Variants in SVOPL observed in about 807,000 individuals in gnomAD.
The protein encoded by SVOPL is putative transporter SVOPL.
A neutral mutation model predicts 61.0 loss-of-function variants in SVOPL; 60 were observed. That is an observed-to-expected ratio of 0.98 (90% confidence interval 0.80 to 1.22). The LOEUF (loss-of-function observed/expected upper bound fraction) is 1.22, where lower values mean the gene tolerates loss of function less well. Ranked by LOEUF, SVOPL falls within the 50% of genes most tolerant of loss-of-function variation. The pLI is 0.00. For synonymous variants in SVOPL, 279 were observed against 250.0 expected (o/e 1.12, Z -1.09); for missense variants, 662 against 643.9 (o/e 1.03, Z -0.30).
intron 7 of SVOPL, among the ~76,000 whole-genome samples, chr7:138,650,400 G>A (rs1033896700): frequency 4.6e-5 from 7 of 151,952 alleles, no homozygotes; most frequent in Non-Finnish European, 8.8e-5. Context: ...GAGGCTTAAG[G>A]GGAAGAAGAG....
At chr7:138,621,409 C>T (rs1223774107) in intron 13 of SVOPL, among the ~76,000 whole-genome samples, 1 of 152,140 alleles carries the variant, frequency 6.6e-6, no homozygotes, top group Non-Finnish European at 1.5e-5. Flanking sequence ...TTTAGAAAGA[C>T]AAGCTCTGGA....
intron 6 of SVOPL, among the ~76,000 whole-genome samples, chr7:138,657,130 ATTTG>A (rs201878592): frequency 1.3e-4 from 17 of 135,304 alleles, no homozygotes; most frequent in Non-Finnish European, 2.2e-4. Flanking sequence ...CCCTTTTCTT[ATTTG>A]TTTATTTATT....
rs373117922 is a variant in SVOPL at position 138,628,194 on chromosome 7, G to A, written c.1033C>T (p.Arg345Trp). The change falls in exon 11 of 16, where the codon CGG becomes TGG. Residue 345 changes from arginine to tryptophan, a missense_variant. Physicochemically the swap from Arg to Trp is moderately radical, Grantham distance 101. Coordinates refer to ENST00000674285, the MANE Select transcript of SVOPL (RefSeq NM_001139456.2). ...CCGATGGTGCTGATGATCATGGTCC[G>A]ATAGTCAGAGGGTGCAAACATGTGG... ...YCHMFAPSDY[R>W]TMIISTIGEI... The A allele has an allele frequency of 8.7e-6, 14 of 1,614,062 alleles. No homozygotes were observed. The highest frequency in any genetic ancestry group is 1.6e-4 in the Middle Eastern group (1 of 6,084).
chr7:138,673,445 C>T (rs2117112547), intron 3 of SVOPL, among the ~76,000 whole-genome samples: 1 of 152,016 alleles, frequency 6.6e-6, no homozygotes, highest in East Asian at 1.9e-4. Flanking sequence ...TCACTTGAGG[C>T]CAGGAGTTCG....
At chr7:138,671,903 T>C in intron 4 of SVOPL, 116 bp downstream of exon 4, 1 of 882,982 alleles carries the variant, frequency 1.1e-6, no homozygotes, top group Non-Finnish European at 1.8e-6. Context: ...CCTTGAGTTT[T>C]GGAAGCCAAC....
At chr7:138,622,658 C>T (rs994689812) in intron 13 of SVOPL, among the ~76,000 whole-genome samples, 13 of 151,730 alleles carry the variant, frequency 8.6e-5, no homozygotes, top group African/African-American at 2.9e-4. Flanking sequence ...AACAAGACCT[C>T]GCTATGTTGC....
At chr7:138,675,004 C>A (rs1443589624) in intron 3 of SVOPL, among the ~76,000 whole-genome samples, 2 of 152,138 alleles carry the variant, frequency 1.3e-5, no homozygotes, top group African/African-American at 4.8e-5. Flanking sequence ...AATTTGGAGC[C>A]TATGAGACCT....
intron 7 of SVOPL, among the ~76,000 whole-genome samples, chr7:138,655,383 T>C (rs1046226286): frequency 2.0e-5 from 3 of 152,086 alleles, no homozygotes; most frequent in African/African-American, 7.2e-5. Context: ...TGCACGTCTG[T>C]AATTCCAGCT....
At chr7:138,692,171 C>G (rs982161019) in intron 1 of SVOPL, among the ~76,000 whole-genome samples, 2 of 152,046 alleles carry the variant, frequency 1.3e-5, no homozygotes, top group Non-Finnish European at 2.9e-5. Flanking sequence ...AGTGAAACTC[C>G]ATCTCAAAAA....
chr7:138,684,838 G>A (rs1385323015), intron 1 of SVOPL, among the ~76,000 whole-genome samples: 1 of 152,070 alleles, frequency 6.6e-6, no homozygotes, highest in Non-Finnish European at 1.5e-5. Context: ...CATTATTCAT[G>A]ATAGCCAAAA....
At chr7:138,620,463 A>AG (rs1799514301) in intron 14 of SVOPL, among the ~76,000 whole-genome samples, 1 of 149,816 alleles carries the variant, frequency 6.7e-6, no homozygotes, top group East Asian at 1.9e-4. Flanking sequence ...AAAAAAAAAA[A>AG]GACTGACAAG....
intron 1 of SVOPL, among the ~76,000 whole-genome samples, chr7:138,694,439 T>C (rs1189414693): frequency 2.0e-5 from 3 of 151,958 alleles, no homozygotes; most frequent in Non-Finnish European, 4.4e-5. Flanking sequence ...AGAGATGGGG[T>C]TTCACCATGT....
At chr7:138,662,967 C>A in intron 5 of SVOPL, 107 bp downstream of exon 5, 1 of 1,553,306 alleles carries the variant, frequency 6.4e-7, no homozygotes. Context: ...CATTTTCTAT[C>A]TTGGGTATTG....
At chr7:138,692,879 A>G (rs952248950) in intron 1 of SVOPL, among the ~76,000 whole-genome samples, 5 of 152,196 alleles carry the variant, frequency 3.3e-5, no homozygotes, top group African/African-American at 9.7e-5. Flanking sequence ...GGGGACAGCC[A>G]ATTACATATA....
chr7:138,609,850 A>AG (rs1563086141), intron 14 of SVOPL, among the ~76,000 whole-genome samples: 1 of 151,974 alleles, frequency 6.6e-6, no homozygotes, highest in Non-Finnish European at 1.5e-5. Context: ...CTCCTGCTTC[A>AG]GCCTCCAGAG....
chr7:138,653,717 C>G (rs918420344), intron 7 of SVOPL, among the ~76,000 whole-genome samples: 1 of 152,056 alleles, frequency 6.6e-6, no homozygotes, highest in African/African-American at 2.4e-5. Context: ...GGGTGGATCA[C>G]AAGGTCAGGA....
intron 13 of SVOPL, among the ~76,000 whole-genome samples, chr7:138,622,038 GTATCTATC>G (rs1415006683): frequency 2.0e-4 from 2 of 9,824 alleles, no homozygotes; most frequent in African/African-American, 7.3e-4. Context: ...ATCTATCTAT[GTATCTATC>G]TATCTATGTA....
At chr7:138,671,251 G>A (rs1802408470) in intron 4 of SVOPL, among the ~76,000 whole-genome samples, 1 of 152,128 alleles carries the variant, frequency 6.6e-6, no homozygotes, top group Admixed American at 6.5e-5. Flanking sequence ...GATACTGCTT[G>A]TAGTCTTCTC....
At chr7:138,691,434 G>A (rs1311410250) in intron 1 of SVOPL, among the ~76,000 whole-genome samples, 1 of 152,060 alleles carries the variant, frequency 6.6e-6, no homozygotes, top group Non-Finnish European at 1.5e-5. Context: ...CATTTTAGAG[G>A]GGCACTAAAA....
Sources: allele counts gnomAD v4.1 joint callset (sites outside exome capture counted in the v4.1 genomes callset), GRCh38; gene constraint gnomAD v4.1.1; transcripts MANE v1.5; gene names NCBI Gene and HGNC (gene_info 2026-07-23, HGNC 2026-07-21).